SAMD12: variants seen among roughly 807,000 people sequenced by gnomAD.
The protein encoded by SAMD12 is sterile alpha motif domain-containing protein 12.
A neutral mutation model predicts 15.0 loss-of-function variants in SAMD12; 9 were observed. The ratio of observed to expected loss-of-function variants is 0.60; its 90% CI spans 0.36 to 1.05. The LOEUF (loss-of-function observed/expected upper bound fraction) is 1.05. SAMD12 is among the 50% of genes least tolerant of loss of function. The probability of loss-of-function intolerance (pLI) is 0.01; values close to 1 mark genes in which losing one functional copy is unlikely to be tolerated. For missense variants in SAMD12, 230 were observed against 234.2 expected (o/e 0.98, Z 0.12); for synonymous variants, 86 against 90.1 (o/e 0.96, Z 0.25).
At chr8:118,391,439 T>C (rs559965589) in intron 3 of SAMD12, among the ~76,000 whole-genome samples, 1 of 152,320 alleles carries the variant, frequency 6.6e-6, no homozygotes, top group South Asian at 2.1e-4. Flanking sequence ...GCATTAGACA[T>C]CTTTTTAAAT....
At chr8:118,552,680 C>A (rs189452349) in intron 2 of SAMD12, among the ~76,000 whole-genome samples, 1 of 151,996 alleles carries the variant, frequency 6.6e-6, no homozygotes, top group African/African-American at 2.4e-5. Flanking sequence ...GTTCTGGCCA[C>A]GGCAATTAGG....
At chr8:118,461,565 A>G (rs1823423839) in intron 2 of SAMD12, among the ~76,000 whole-genome samples, 1 of 152,086 alleles carries the variant, frequency 6.6e-6, no homozygotes, top group Non-Finnish European at 1.5e-5. Flanking sequence ...TTTCCTTTGT[A>G]TTTTACGTAT....
chr8:118,335,467 C>T (rs146426840), intron 4 of SAMD12, among the ~76,000 whole-genome samples: 588 of 152,322 alleles, frequency 3.9e-3, no homozygotes, highest in Non-Finnish European at 6.1e-3. Context: ...AATGTCAAAT[C>T]GTACCTAGCA....
At chr8:118,147,211 G>T in the SAMD12 span, among the ~76,000 whole-genome samples, 1 of 151,886 alleles carries the variant, frequency 6.6e-6, no homozygotes, top group South Asian at 2.1e-4. Context: ...TTTTAGCAGA[G>T]ATGGGGTTTC....
intron 4 of SAMD12, among the ~76,000 whole-genome samples, chr8:118,269,409 T>C (rs1813291492): frequency 6.6e-6 from 1 of 152,172 alleles, no homozygotes; most frequent in Non-Finnish European, 1.5e-5. Flanking sequence ...CCAACATGTT[T>C]ATTTGTAACT....
the SAMD12 span, among the ~76,000 whole-genome samples, chr8:118,133,863 G>A: frequency 1.3e-5 from 2 of 152,168 alleles, no homozygotes; most frequent in East Asian, 3.8e-4. Flanking sequence ...CCAGCTTGGA[G>A]CAATTAAAGT....
intron 2 of SAMD12, among the ~76,000 whole-genome samples, chr8:118,491,812 G>C (rs1398856369): frequency 6.6e-6 from 1 of 152,146 alleles, no homozygotes; most frequent in Non-Finnish European, 1.5e-5. Context: ...GAAGCCCGTT[G>C]TATAAATACA....
At chr8:118,376,357 G>A (rs1388056385), downstream of SAMD12, among the ~76,000 whole-genome samples, 1 of 152,052 alleles carries the variant, frequency 6.6e-6, no homozygotes, top group Admixed American at 6.6e-5. Context: ...CTTGCTTGGT[G>A]ATCAGGTCAC....
chr8:118,379,686 T>G lies in SAMD12; in HGVS notation c.337A>C (p.Arg113=), dbSNP rs1374046137. ...QHDITGRALL[R]LTDKKLERMG... is the part of the protein sequence containing the mutation. ...CGCTCGAGCTTTTTGTCAGTAAGTC[T>G]CAGCAGGGCTCGCCCTGCAGGGTTT... is the stretch of plus-strand genomic sequence containing the variant. The change falls in exon 4 of 4, where the codon AGA becomes CGA. Residue 113 remains arginine, a synonymous_variant. Coordinates refer to ENST00000314727, the MANE Select transcript of SAMD12 (RefSeq NM_207506.3). The G allele has an allele frequency of 6.2e-7, 1 of 1,613,724 alleles. No individual in the cohort carries two copies. The highest frequency in any genetic ancestry group is 1.7e-5 in the Admixed American group (1 of 59,984).
chr8:118,405,877 T>C (rs941110482), intron 3 of SAMD12, among the ~76,000 whole-genome samples: 2 of 152,218 alleles, frequency 1.3e-5, no homozygotes, highest in Non-Finnish European at 2.9e-5. Context: ...GTGGAGATAA[T>C]ATTTTCTGTA....
intron 2 of SAMD12, among the ~76,000 whole-genome samples, chr8:118,474,937 A>G (rs887351004): frequency 6.6e-6 from 1 of 152,102 alleles, no homozygotes; most frequent in African/African-American, 2.4e-5. Flanking sequence ...GCAAGAGCTA[A>G]TTGTTGAAAA....
intron 1 of SAMD12, among the ~76,000 whole-genome samples, chr8:118,583,309 GTTA>G (rs1326523373): frequency 6.6e-6 from 1 of 152,120 alleles, no homozygotes; most frequent in African/African-American, 2.4e-5. Context: ...GCTAATTACT[GTTA>G]TTATCAATCA....
At chr8:118,264,715 T>C (rs190145913) in intron 4 of SAMD12, among the ~76,000 whole-genome samples, 1 of 152,218 alleles carries the variant, frequency 6.6e-6, no homozygotes, top group Admixed American at 6.5e-5. Context: ...TACATATCAC[T>C]CAGTGGCTCC....
chr8:118,490,463 T>C (rs1288867958), intron 2 of SAMD12, among the ~76,000 whole-genome samples: 1 of 152,094 alleles, frequency 6.6e-6, no homozygotes, highest in African/African-American at 2.4e-5. Context: ...GTGAATAAAG[T>C]TTTTGTGTTC....
intron 3 of SAMD12, among the ~76,000 whole-genome samples, chr8:118,408,692 G>T (rs1821253026): frequency 1.3e-5 from 2 of 152,042 alleles, no homozygotes; most frequent in Admixed American, 6.5e-5. Flanking sequence ...TAACCATCAA[G>T]AATTATTTTA....
chr8:118,581,036 A>G (rs1827284952), intron 1 of SAMD12, 143 bp from the exon 2 acceptor site: 2 of 593,250 alleles, frequency 3.4e-6, no homozygotes, highest in South Asian at 2.6e-5. Flanking sequence ...GATAAATAAT[A>G]TGGTGAGGAG....
chr8:118,472,098 T>C (rs1823815279), intron 2 of SAMD12, among the ~76,000 whole-genome samples: 1 of 151,808 alleles, frequency 6.6e-6, no homozygotes, highest in Non-Finnish European at 1.5e-5. Context: ...CCATCCTGGC[T>C]AACACGGTGA....
intron 2 of SAMD12, among the ~76,000 whole-genome samples, chr8:118,463,987 A>T (rs1823513314): frequency 6.6e-6 from 1 of 152,166 alleles, no homozygotes; most frequent in Non-Finnish European, 1.5e-5. Flanking sequence ...TCTCTGTGAG[A>T]CTATGTCTGA....
At chr8:118,485,705 G>A (rs902528270) in intron 2 of SAMD12, among the ~76,000 whole-genome samples, 6 of 152,134 alleles carry the variant, frequency 3.9e-5, no homozygotes, top group Admixed American at 3.3e-4. Flanking sequence ...CAGTAATATG[G>A]ATTTCGATGA....
Sources: gnomAD v4.1 joint callset for allele counts (sites outside exome capture counted in the v4.1 genomes callset) on GRCh38, gnomAD v4.1.1 for gene constraint, MANE v1.5 for transcripts, NCBI Gene and HGNC (gene_info 2026-07-23, HGNC 2026-07-21) for gene names.